The following WNT2B variants were observed in gnomAD, a reference collection of about 807,000 sequenced individuals.
WNT2B encodes protein Wnt-2b.
In WNT2B, 19 loss-of-function variants were observed where a neutral mutation model predicts 40.5. That is an observed-to-expected ratio of 0.47 (90% confidence interval 0.33 to 0.69). The LOEUF is 0.69. Among genes scored for constraint, WNT2B ranks in the 30% least tolerant of loss-of-function variants. The probability of loss-of-function intolerance (pLI) is 0.02; values close to 1 mark genes in which losing one functional copy is unlikely to be tolerated. For synonymous variants in WNT2B, 220 were observed against 211.9 expected (o/e 1.04, Z -0.33); for missense variants, 467 against 556.4 (o/e 0.84, Z 1.62).
intron 1 of WNT2B, among the ~76,000 whole-genome samples, chr1:112,494,232 C>T (rs188878226): frequency 1.8e-4 from 28 of 151,424 alleles, no homozygotes; most frequent in South Asian, 1.0e-3. Context: ...ATCGTTTGAA[C>T]CCGAGAAGCG....
chr1:112,502,128 G>T (rs369144803), intron 1 of WNT2B, among the ~76,000 whole-genome samples: 1 of 152,288 alleles, frequency 6.6e-6, no homozygotes, highest in East Asian at 1.9e-4. Flanking sequence ...CTCACTCTGC[G>T]GCTCGCTCTC....
intron 1 of WNT2B, among the ~76,000 whole-genome samples, chr1:112,502,354 C>A (rs1376419561): frequency 6.6e-6 from 1 of 152,238 alleles, no homozygotes; most frequent in East Asian, 1.9e-4. Context: ...CCCTCTCTGG[C>A]CCGGAGGGCT....
intron 1 of WNT2B, among the ~76,000 whole-genome samples, chr1:112,486,260 T>C (rs1429530781): frequency 6.6e-6 from 1 of 151,832 alleles, no homozygotes; most frequent in East Asian, 1.9e-4. Context: ...CTGGGCAACA[T>C]AGCGAGACCC....
In WNT2B at chr1:112,520,185, G is replaced by A. The variant is rs994581769; in HGVS notation, c.947-95G>A. The A allele has an allele frequency of 2.7e-5, 35 of 1,298,460 alleles. No individual in the cohort carries two copies. The African/African-American group carries it at 3.1e-4, about 11-fold the overall frequency. 80.4% of individuals were successfully genotyped at this position (1,298,460 alleles called of 1,614,324 possible). On this transcript the variant is annotated intron_variant, in intron 4 of 4. Coordinates refer to ENST00000369684, the MANE Select transcript of WNT2B (RefSeq NM_024494.3). ...GCCACTGTGCCCAGCCCAAAAAAGC[G>A]ATTCTTTTTATCTTCCTTCTGAGAA...
At chr1:112,500,032 A>G (rs1651901312) in intron 1 of WNT2B, among the ~76,000 whole-genome samples, 2 of 152,220 alleles carry the variant, frequency 1.3e-5, no homozygotes, top group African/African-American at 4.8e-5. Flanking sequence ...GAAAAAAGCG[A>G]GGGTATGACG....
chr1:112,496,381 C>T (rs1473016757), intron 1 of WNT2B, among the ~76,000 whole-genome samples: 2 of 152,156 alleles, frequency 1.3e-5, no homozygotes, highest in African/African-American at 2.4e-5. Flanking sequence ...GTGCAAAATA[C>T]TCATTCCATC....
At chr1:112,493,998 A>AAGT (rs1651688947) in intron 1 of WNT2B, among the ~76,000 whole-genome samples, 7 of 152,006 alleles carry the variant, frequency 4.6e-5, no homozygotes, top group African/African-American at 1.7e-4. Context: ...CCTTACTTAT[A>AAGT]GAGAAGCAAA....
intron 1 of WNT2B, among the ~76,000 whole-genome samples, chr1:112,487,009 G>A (rs57837199): frequency 2.6e-5 from 4 of 152,084 alleles, no homozygotes; most frequent in Admixed American, 1.3e-4. Flanking sequence ...CTATGCAAAG[G>A]TTGTAAAATA....
At chr1:112,503,245 A>G (rs1652011910) in intron 1 of WNT2B, among the ~76,000 whole-genome samples, 1 of 152,186 alleles carries the variant, frequency 6.6e-6, no homozygotes, top group African/African-American at 2.4e-5. Flanking sequence ...TTTAGGAAGC[A>G]GAAAGACGGT....
chr1:112,482,291 C>T (rs921569078), intron 1 of WNT2B, among the ~76,000 whole-genome samples: 1 of 152,072 alleles, frequency 6.6e-6, no homozygotes, highest in African/African-American at 2.4e-5. Flanking sequence ...TACACTCCAA[C>T]CTGGATGACA....
intron 1 of WNT2B, among the ~76,000 whole-genome samples, chr1:112,492,454 A>AT (rs2101065911): frequency 6.6e-6 from 1 of 152,340 alleles, no homozygotes; most frequent in East Asian, 1.9e-4. Context: ...AACTCTGAGA[A>AT]TTAAAAACTC....
In WNT2B at chr1:112,525,093, GGTTCATGCCAGAGATA is replaced by G. The variant is rs1216639819; in HGVS notation, c.*4587_*4602del. ...TGAGACTGTATAAGTTCGCAAGGCT[GGTTCATGCCAGAGATA>G]GTGAGATGTGCACCCTATGTGCTGA... is the stretch of plus-strand genomic sequence containing the variant. On this transcript the variant is annotated 3_prime_UTR_variant, in exon 5 of 5. Transcript: ENST00000369684. 1 of 152,228 alleles carries G rather than the reference GGTTCATGCCAGAGATA, an allele frequency of 6.6e-6. No individual in the cohort carries two copies. Among genetic ancestry groups the G allele is most frequent in the African/African-American group, 2.4e-5 (1 of 41,438 alleles). 9.4% of individuals were successfully genotyped at this position (152,228 alleles called of 1,614,324 possible).
intron 1 of WNT2B, among the ~76,000 whole-genome samples, chr1:112,475,691 GC>G (rs1188076669): frequency 1.3e-5 from 2 of 151,722 alleles, no homozygotes; most frequent in Non-Finnish European, 2.9e-5. Context: ...ATGAAAAAAA[GC>G]AAAACAAAAC....
intron 1 of WNT2B, among the ~76,000 whole-genome samples, chr1:112,473,459 T>A (rs1449281913): frequency 6.6e-6 from 1 of 151,178 alleles, no homozygotes; most frequent in African/African-American, 2.4e-5. Context: ...TAAAAAAAAA[T>A]GGATGAGATT....
At chr1:112,483,363 A>G (rs925685500) in intron 1 of WNT2B, among the ~76,000 whole-genome samples, 1 of 152,234 alleles carries the variant, frequency 6.6e-6, no homozygotes, top group Non-Finnish European at 1.5e-5. Flanking sequence ...AAGGATGCCA[A>G]TAACACACAA....
chr1:112,508,440 G>T (rs1652198090), upstream of WNT2B, among the ~76,000 whole-genome samples: 2 of 151,854 alleles, frequency 1.3e-5, no homozygotes, highest in Admixed American at 6.6e-5. This position sits in a 1 kb window ranked among gnomAD's most constrained non-coding sequence, Gnocchi z 4.2. Context: ...CTAGCTGAAA[G>T]CATCCCCTGC....
At chr1:112,497,143 G>T (rs1401188047) in intron 1 of WNT2B, among the ~76,000 whole-genome samples, 1 of 152,152 alleles carries the variant, frequency 6.6e-6, no homozygotes, top group Admixed American at 6.5e-5. Flanking sequence ...GTTGGAATAG[G>T]GTACCTGTGG....
At position 112,522,173 on chromosome 1, in the gene WNT2B, G is replaced by A. The variant is rs1002039600; in HGVS notation, c.*1664G>A. The A allele has an allele frequency of 1.3e-5, 2 of 152,142 alleles. No homozygotes were observed. The highest frequency in any genetic ancestry group is 2.9e-5 in the Non-Finnish European group (2 of 68,130). 9.4% of individuals were successfully genotyped at this position (152,142 alleles called of 1,614,324 possible). On this transcript the variant is annotated 3_prime_UTR_variant, in exon 5 of 5. Transcript: ENST00000369684. ...AGCCTCCCCATTAGCTGGGACTACA[G>A]GGCCATGCCATCATGCCCAGCTAAT...
intron 1 of WNT2B, among the ~76,000 whole-genome samples, chr1:112,486,638 A>G (rs1162228035): frequency 6.6e-6 from 1 of 150,474 alleles, no homozygotes; most frequent in Non-Finnish European, 1.5e-5. Flanking sequence ...GAACATATGA[A>G]GAACTTTCTA....
Sources: gnomAD v4.1 joint callset for allele counts (sites outside exome capture counted in the v4.1 genomes callset) on GRCh38, gnomAD v4.1.1 for gene constraint, Gnocchi (gnomAD v3.1) non-coding constraint, MANE v1.5 for transcripts, NCBI Gene and HGNC (gene_info 2026-07-23, HGNC 2026-07-21) for gene names.